The following TMEM8B variants were observed in gnomAD, a reference collection of about 807,000 sequenced individuals.
TMEM8B encodes transmembrane protein 8B.
Under a neutral mutation model 49.3 loss-of-function variants are expected in TMEM8B, and 29 were observed. That is an observed-to-expected ratio of 0.59 (90% CI 0.44 to 0.80). The LOEUF (loss-of-function observed/expected upper bound fraction) is 0.80. Ranked by LOEUF, TMEM8B falls within the 30% of genes least tolerant of loss-of-function variation. The pLI is 0.00. For synonymous variants in TMEM8B, 264 were observed against 272.8 expected (o/e 0.97, Z 0.32); for missense variants, 575 against 658.5 (o/e 0.87, Z 1.39).
chr9:35,853,679 A>C lies in TMEM8B; in HGVS notation c.2614A>C (p.Ser872Arg). ...HSIWHMLIAG[S>R]VGFLLPPRAK... is the part of the protein sequence containing the mutation. Reference sequence around the variant, plus strand: ...CATTTGGCATATGCTCATTGCGGGCAGTGTGGGCTTCCTGCTGCCCCCTCG... The same window carrying C: ...CATTTGGCATATGCTCATTGCGGGCCGTGTGGGCTTCCTGCTGCCCCCTCG... Residue 872 changes from serine (S) to arginine (R), a missense_variant, in exon 13 of 13, where the codon AGT becomes CGT. Physicochemically the swap from Ser to Arg is moderately radical, Grantham distance 110. Transcript: ENST00000643932. The surrounding 1 kb of genome is among the most constrained non-coding windows in gnomAD (Gnocchi z 4.2). 1 of 1,614,164 alleles carries C rather than the reference A, an allele frequency of 6.2e-7. No individual in the cohort carries two copies. Among genetic ancestry groups the C allele is most frequent in the Non-Finnish European group, 8.5e-7 (1 of 1,180,020 alleles).
intron 3 of TMEM8B, among the ~76,000 whole-genome samples, chr9:35,836,522 G>T (rs1402381213): frequency 1.3e-5 from 2 of 152,228 alleles, no homozygotes; most frequent in African/African-American, 4.8e-5. Flanking sequence ...AGGTGAGCAG[G>T]AACCTAGGGC....
At chr9:35,840,341 C>T (rs544704471) in intron 3 of TMEM8B, among the ~76,000 whole-genome samples, 212 of 152,238 alleles carry the variant, frequency 1.4e-3, no homozygotes, top group Admixed American at 2.3e-3. Flanking sequence ...TCAAAGATGA[C>T]AGGATTTGGC....
In TMEM8B at chr9:35,834,521, C is replaced by T. The variant is rs2132234237; in HGVS notation, c.569C>T (p.Ser190Phe). 1 of 415,310 alleles carries T rather than the reference C, an allele frequency of 2.4e-6. No homozygotes were observed. Among genetic ancestry groups the T allele is most frequent in the East Asian group, 3.6e-5 (1 of 28,034 alleles). The allele number at this position is 415,310 out of a possible 1,614,324, so 25.7% of individuals were successfully genotyped here. Residue 190 changes from serine (S) to phenylalanine (F), a missense_variant, in exon 2 of 13, where the codon TCC becomes TTC. Coordinates refer to ENST00000643932, the MANE Select transcript of TMEM8B (RefSeq NM_001042590.4). ...CSPRKLSPFR[S>F]FASTELFHFH... ...CCCCGCAAGCTGAGTCCTTTCCGCT[C>T]CTTTGCCAGCACCGAGCTCTTCCAC...
At chr9:35,833,685 G>A (rs917986430) in intron 1 of TMEM8B, among the ~76,000 whole-genome samples, 5 of 152,076 alleles carry the variant, frequency 3.3e-5, no homozygotes, top group Non-Finnish European at 7.4e-5. Flanking sequence ...TTCCCTTTGG[G>A]GGAACATTCC....
In TMEM8B at chr9:35,857,713, T is replaced by A. The variant is rs539708461; in HGVS notation, c.*3873T>A. 34 of 152,356 alleles carry A rather than the reference T, an allele frequency of 2.2e-4. No individual in the cohort carries two copies. Among genetic ancestry groups the A allele is most frequent in the African/African-American group, 7.9e-4 (33 of 41,578 alleles). 9.4% of individuals were successfully genotyped at this position (152,356 alleles called of 1,614,324 possible). On this transcript the variant is annotated 3_prime_UTR_variant, in exon 13 of 13. Coordinates refer to ENST00000643932, the MANE Select transcript of TMEM8B (RefSeq NM_001042590.4). ...AGAACCACTATGAGTGATAAAAAGA[T>A]TAGACCTTTACAGTCATGGGAGCAG...
chr9:35,847,239 G>C (rs1022071910), intron 10 of TMEM8B: 1 of 1,209,162 alleles, frequency 8.3e-7, no homozygotes, highest in African/African-American at 1.5e-5. Context: ...GCCTCCAGCT[G>C]TTCCACACTC....
In TMEM8B at chr9:35,846,001, G is replaced by C. The variant is rs34807292; in HGVS notation, c.1662G>C (p.Thr554=). 4.4e-3 allele frequency: 7,142 copies of C among 1,614,000 alleles called. 227 individuals are homozygous for C. In the African/African-American group the frequency reaches 0.08, roughly 18 times the overall value. The change falls in exon 7 of 13, where the codon ACG becomes ACC. Residue 554 remains threonine (T), a synonymous_variant. Transcript: ENST00000643932. ...NASSVRQENV[T]VFGCLTHEVP... ...GCTCCGTGCGCCAGGAAAACGTGAC[G>C]GTGTTTGGATGCTTGACTCACGAGG...
In TMEM8B at chr9:35,842,993, G is replaced by A. The variant is rs948868475; in HGVS notation, c.1635+276G>A. ...CTGCTCATTACTGGCCTTTCACTAC[G>A]GTAGTTGTTAACCTTTTCTTGCAAA... is the stretch of plus-strand genomic sequence containing the variant. On this transcript the variant is annotated intron_variant, in intron 6 of 12. Transcript: ENST00000643932. The surrounding 1 kb of genome is among the most constrained non-coding windows in gnomAD (Gnocchi z 5.6). Among the ~76,000 whole-genome samples, 1 of 152,148 alleles carries A rather than the reference G, an allele frequency of 6.6e-6. No individual in the cohort carries two copies. Among genetic ancestry groups the A allele is most frequent in the African/African-American group, 2.4e-5 (1 of 41,418 alleles).
intron 1 of TMEM8B, chr9:35,833,211 G>T: frequency 1.9e-6 from 1 of 518,174 alleles, no homozygotes. Flanking sequence ...AGAGGGAGAT[G>T]ATTGGACTAG....
chr9:35,844,080 TTA>T (rs1831276737), intron 6 of TMEM8B, among the ~76,000 whole-genome samples: 1 of 152,204 alleles, frequency 6.6e-6, no homozygotes, highest in Non-Finnish European at 1.5e-5. Flanking sequence ...TGTTTTTGGT[TTA>T]TGTCCTCCCA....
intron 8 of TMEM8B, 42 bp downstream of exon 8, chr9:35,846,423 G>A: frequency 6.2e-7 from 1 of 1,600,222 alleles, no homozygotes; most frequent in East Asian, 2.2e-5. Flanking sequence ...ACCGGGACTT[G>A]GCGGGGGTGG....
At chr9:35,845,375 A>G (rs556861861) in intron 6 of TMEM8B, 1,315 of 984,468 alleles carry the variant, frequency 1.3e-3, no homozygotes, top group Middle Eastern at 3.1e-3. Context: ...TCCTTCTTGA[A>G]TGAGGTGAGC....
At position 35,829,491 on chromosome 9, in the gene TMEM8B, C is replaced by T. The variant is rs1346898251; in HGVS notation, c.44C>T (p.Pro15Leu). 3 of 376,390 alleles carry T rather than the reference C, an allele frequency of 8.0e-6. No homozygotes were observed. The highest frequency in any genetic ancestry group is 2.1e-5 in the African/African-American group (1 of 47,258). The allele number at this position is 376,390 out of a possible 1,614,324, so 23.3% of individuals were successfully genotyped here. The change falls in exon 1 of 13, where the codon CCG becomes CTG. Residue 15 changes from proline to leucine, a missense_variant. By Grantham distance (98) the Pro-to-Leu change is moderately conservative (BLOSUM62 -3). Transcript: ENST00000643932. ...LSRPLVLSQS[P>L]PWPPAPPSPR... is the part of the protein sequence containing the mutation. ...CGGCCCCTCGTCCTATCCCAATCCC[C>T]GCCTTGGCCCCCAGCCCCGCCCTCG...
chr9:35,845,794 C>G, intron 6 of TMEM8B, 181 bp from the exon 7 acceptor site: 1 of 985,358 alleles, frequency 1.0e-6, no homozygotes. Context: ...TGTGGAGGAT[C>G]TGTTGTTTTT....
At chr9:35,852,285 A>G (rs1210186511) in intron 10 of TMEM8B, among the ~76,000 whole-genome samples, 2 of 152,104 alleles carry the variant, frequency 1.3e-5, no homozygotes, top group Non-Finnish European at 2.9e-5. Flanking sequence ...CCATGGCCTT[A>G]GGGACTGCCT....
chr9:35,846,119 T>TGGC (rs777588465), intron 7 of TMEM8B, 51 bp downstream of exon 7: 2 of 1,567,400 alleles, frequency 1.3e-6, no homozygotes, highest in Non-Finnish European at 1.7e-6. Context: ...GGGGTGGTGG[T>TGGC]GGCGGGCAGA....
At position 35,829,266 on chromosome 9, in the gene TMEM8B, G is replaced by C. The variant is rs900600955; in HGVS notation, c.-182G>C. 2.5e-5 allele frequency: 9 copies of C among 357,528 alleles called. No individual in the cohort carries two copies. The highest frequency in any genetic ancestry group is 1.9e-4 in the African/African-American group (9 of 46,910). 22.1% of individuals were successfully genotyped at this position (357,528 alleles called of 1,614,324 possible). On this transcript the variant is annotated 5_prime_UTR_variant, in exon 1 of 13. Coordinates refer to ENST00000643932, the MANE Select transcript of TMEM8B (RefSeq NM_001042590.4). Reference sequence around the variant, plus strand: ...GTCGAGGCCGCCGCCGCGGGGCCTGGTTATCGCCGGTTCAGCGCAGCCCGG... The same window carrying C: ...GTCGAGGCCGCCGCCGCGGGGCCTGCTTATCGCCGGTTCAGCGCAGCCCGG...
chr9:35,846,989 C>T lies in TMEM8B; in HGVS notation c.2169C>T (p.Phe723=). 1 of 1,614,224 alleles carries T rather than the reference C, an allele frequency of 6.2e-7. No homozygotes were observed. The highest frequency in any genetic ancestry group is 1.1e-5 in the South Asian group (1 of 91,084). ...CAGTCTACACCTTCACCATGTTCTT[C>T]TCCACGGTATGCGGTGGTGTCTGCA... ...EAAVYTFTMF[F]STFYHACDQP... Residue 723 remains phenylalanine, a synonymous_variant, in exon 10 of 13, where the codon TTC becomes TTT. Transcript: ENST00000643932.
chr9:35,842,340 T>C lies in TMEM8B; in HGVS notation c.1310-52T>C. 7.3e-7 allele frequency: 1 copy of C among 1,363,368 alleles called. No homozygotes were observed. Among genetic ancestry groups the C allele is most frequent in the Non-Finnish European group, 9.8e-7 (1 of 1,018,352 alleles). 84.5% of individuals were successfully genotyped at this position (1,363,368 alleles called of 1,614,324 possible). A position where few individuals can be genotyped will look rare whatever the true frequency, so the allele number is the denominator to read the frequency against. On this transcript the variant is annotated intron_variant, in intron 5 of 12. Transcript: ENST00000643932. The surrounding 1 kb of genome is among the most constrained non-coding windows in gnomAD (Gnocchi z 5.6). ...TAGCTCAGATGTGTTTATGAGTAAG[T>C]TCAGGACTGTAAAGGCTGCAGGCCC...
Sources: gnomAD v4.1 joint callset for allele counts (sites outside exome capture counted in the v4.1 genomes callset) on GRCh38, gnomAD v4.1.1 for gene constraint, Gnocchi (gnomAD v3.1) non-coding constraint, MANE v1.5 for transcripts, NCBI Gene and HGNC (gene_info 2026-07-23, HGNC 2026-07-21) for gene names.